GANC: variants seen among roughly 807,000 people sequenced by gnomAD.
The protein encoded by GANC is glucosidase alpha, neutral C, also known as neutral alpha-glucosidase C.
In GANC, 117 loss-of-function variants were observed where a neutral mutation model predicts 124.2. The observed-to-expected ratio is 0.94, with a 90% CI of 0.81 to 1.10. The LOEUF (loss-of-function observed/expected upper bound fraction) is 1.10, where lower values mean the gene tolerates loss of function less well. Among genes scored for constraint, GANC ranks in the 50% least tolerant of loss-of-function variants. The pLI is 0.00. For synonymous variants in GANC, 377 were observed against 376.8 expected, an observed-to-expected ratio of 1.00 and a Z score of -0.01; for missense variants, 1,140 against 1,095.0, an observed-to-expected ratio of 1.04 and a Z score of -0.58.
At chr15:42,307,045 C>CA (rs2052003748) in intron 7 of GANC, among the ~76,000 whole-genome samples, 1 of 152,184 alleles carries the variant, frequency 6.6e-6, no homozygotes, top group South Asian at 2.1e-4. Context: ...GCCCATCTGT[C>CA]ACATTTCTCA....
chr15:42,295,190 G>A (rs1420025708), intron 5 of GANC, among the ~76,000 whole-genome samples: 1 of 151,928 alleles, frequency 6.6e-6, no homozygotes, highest in Non-Finnish European at 1.5e-5. Context: ...TAGTCAGGAT[G>A]ATCTCGATCT....
At chr15:42,337,824 A>C (rs897760312) in intron 15 of GANC, among the ~76,000 whole-genome samples, 4 of 152,186 alleles carry the variant, frequency 2.6e-5, no homozygotes, top group African/African-American at 9.6e-5. Flanking sequence ...CACTTTGGGA[A>C]GCCAAGGCAG....
chr15:42,336,150 GAAAAA>G lies in GANC; in HGVS notation c.1742-2233_1742-2229del, dbSNP rs1034705058. Among the ~76,000 whole-genome samples, 506 of 125,010 alleles carry G rather than the reference GAAAAA, an allele frequency of 4.0e-3. 10 individuals are homozygous for G. The highest frequency in any genetic ancestry group is 0.032 in the Admixed American group (398 of 12,552). 82.0% of individuals were successfully genotyped at this position (125,010 alleles called of 152,430 possible). On this transcript the variant is annotated intron_variant, in intron 15 of 23. Coordinates refer to ENST00000318010, the MANE Select transcript of GANC (RefSeq NM_198141.3). Reference sequence around the variant, plus strand: ...TTCATATTGAACCAAAAAAAAAAAAGAAAAAAAAAAGAGCCTGAATAACCAAGGCA... The same window carrying G: ...TTCATATTGAACCAAAAAAAAAAAAGAAAAAGAGCCTGAATAACCAAGGCA...
chr15:42,291,043 C>T (rs1166748428), intron 4 of GANC, among the ~76,000 whole-genome samples: 1 of 152,016 alleles, frequency 6.6e-6, no homozygotes, highest in Non-Finnish European at 1.5e-5. Flanking sequence ...TACCACCCTT[C>T]ACTGCCTCCA....
intron 4 of GANC, 33 bp from the exon 5 acceptor site, chr15:42,292,702 A>AGG: frequency 6.2e-7 from 1 of 1,603,074 alleles, no homozygotes; most frequent in Admixed American, 1.7e-5. Context: ...AACCTATAGC[A>AGG]GCTTGTTTCT....
At chr15:42,291,228 T>G (rs2051838003) in intron 4 of GANC, among the ~76,000 whole-genome samples, 1 of 152,154 alleles carries the variant, frequency 6.6e-6, no homozygotes, top group Admixed American at 6.5e-5. Flanking sequence ...AGGAACTTAA[T>G]TGTAGATCAG....
At chr15:42,307,277 A>G (rs779080356) in intron 7 of GANC, among the ~76,000 whole-genome samples, 1 of 151,988 alleles carries the variant, frequency 6.6e-6, no homozygotes, top group Non-Finnish European at 1.5e-5. Context: ...AATGCCCCAA[A>G]TTAAAAGTGG....
chr15:42,296,684 C>T (rs538159694), intron 5 of GANC, among the ~76,000 whole-genome samples: 1 of 152,236 alleles, frequency 6.6e-6, no homozygotes, highest in African/African-American at 2.4e-5. Flanking sequence ...TGAGCTGCCG[C>T]ACCCAGACTC....
intron 5 of GANC, among the ~76,000 whole-genome samples, chr15:42,297,187 T>C (rs879000554): frequency 2.0e-5 from 3 of 152,042 alleles, no homozygotes; most frequent in Admixed American, 2.0e-4. Flanking sequence ...TGAAATATTA[T>C]GAGCATGTTT....
intron 2 of GANC, among the ~76,000 whole-genome samples, chr15:42,277,591 A>G (rs979168516): frequency 6.6e-6 from 1 of 151,466 alleles, no homozygotes; most frequent in South Asian, 2.1e-4. Context: ...TAAAATCTTC[A>G]TTTTATTTTA....
intron 3 of GANC, among the ~76,000 whole-genome samples, chr15:42,278,872 G>A (rs1338697297): frequency 2.0e-5 from 3 of 152,120 alleles, no homozygotes; most frequent in Admixed American, 1.3e-4. Flanking sequence ...GTGTATGCCT[G>A]TAGTCCCAGC....
At chr15:42,294,459 C>T (rs1351025140) in intron 5 of GANC, among the ~76,000 whole-genome samples, 1 of 150,434 alleles carries the variant, frequency 6.6e-6, no homozygotes, top group Non-Finnish European at 1.5e-5. Flanking sequence ...CCTGTAGTCC[C>T]AGCTACTCAA....
intron 3 of GANC, among the ~76,000 whole-genome samples, chr15:42,284,600 C>G (rs1370037312): frequency 6.6e-6 from 1 of 152,122 alleles, no homozygotes; most frequent in African/African-American, 2.4e-5. Flanking sequence ...GAGGATTTAT[C>G]TCAGCTTCTC....
chr15:42,297,694 CCAT>C (rs1258163889), intron 6 of GANC, 38 bp downstream of exon 6: 8 of 1,448,286 alleles, frequency 5.5e-6, no homozygotes, highest in East Asian at 4.6e-5. Flanking sequence ...ATCTTTTTCA[CCAT>C]CATCATCATG....
chr15:42,340,859 C>T (rs1340624135), intron 18 of GANC, 105 bp downstream of exon 18: 38 of 842,266 alleles, frequency 4.5e-5, no homozygotes, highest in Non-Finnish European at 5.7e-5. Context: ...CTCCGCCTCC[C>T]GGTTTCAAGA....
rs561959218 is a variant in GANC at position 42,291,327 on chromosome 15, A to G, written c.330-1408A>G. Reference sequence around the variant, plus strand: ...ACTGAGAATGGCTCTAATTGATGGCATAGTTGGTTAATTATAATCTGAACT... The same window carrying G: ...ACTGAGAATGGCTCTAATTGATGGCGTAGTTGGTTAATTATAATCTGAACT... On this transcript the variant is annotated intron_variant, in intron 4 of 23. Transcript: ENST00000318010. Among the ~76,000 whole-genome samples, 5 of 152,294 alleles carry G rather than the reference A, an allele frequency of 3.3e-5. No individual in the cohort carries two copies. In the South Asian group the frequency reaches 1.0e-3, roughly 32 times the overall value.
chr15:42,349,959 G>A (rs578224875), intron 22 of GANC, among the ~76,000 whole-genome samples: 1 of 143,096 alleles, frequency 7.0e-6, no homozygotes, highest in African/African-American at 2.6e-5. Flanking sequence ...CATTTCTGGA[G>A]TATTTTTCAA....
At chr15:42,280,530 C>G (rs1260858624) in intron 3 of GANC, among the ~76,000 whole-genome samples, 1 of 152,180 alleles carries the variant, frequency 6.6e-6, no homozygotes, top group Non-Finnish European at 1.5e-5. Context: ...CCAGGAAATG[C>G]ATCAAGTCCA....
intron 6 of GANC, 81 bp downstream of exon 6, chr15:42,297,737 C>A: frequency 9.7e-7 from 1 of 1,033,826 alleles, no homozygotes; most frequent in Non-Finnish European, 1.5e-6. Flanking sequence ...CTCTTTCTTC[C>A]TTCTACAGAA....
Sources: allele counts gnomAD v4.1 joint callset (sites outside exome capture counted in the v4.1 genomes callset), GRCh38; gene constraint gnomAD v4.1.1; transcripts MANE v1.5; gene names NCBI Gene and HGNC (gene_info 2026-07-23, HGNC 2026-07-21).